The following UNC13C variants were observed in gnomAD, a reference collection of about 807,000 sequenced individuals.
UNC13C encodes the protein protein unc-13 homolog C.
In UNC13C, 174 loss-of-function variants were observed where a neutral mutation model predicts 245.4. That is an observed-to-expected ratio of 0.71 (90% CI 0.63 to 0.80). UNC13C has a LOEUF of 0.80. Ranked by LOEUF, UNC13C falls within the 30% of genes least tolerant of loss-of-function variation. UNC13C has a pLI of 0.00. For synonymous variants in UNC13C, 992 were observed against 895.1 expected (o/e 1.11, Z -1.93); for missense variants, 2,829 against 2,602.9 (o/e 1.09, Z -1.89).
intron 2 of UNC13C, among the ~76,000 whole-genome samples, chr15:54,090,716 T>A (rs1206724719): frequency 6.6e-6 from 1 of 152,128 alleles, no homozygotes; most frequent in Non-Finnish European, 1.5e-5. Flanking sequence ...CAATATCCTA[T>A]AGAGATGGTA....
intron 4 of UNC13C, among the ~76,000 whole-genome samples, chr15:54,196,161 C>T (rs1400052467): frequency 6.6e-6 from 1 of 152,010 alleles, no homozygotes; most frequent in Non-Finnish European, 1.5e-5. Context: ...ATTTTCTAAA[C>T]AAAATATAAT....
At chr15:54,138,950 C>G (rs1479385014) in intron 2 of UNC13C, among the ~76,000 whole-genome samples, 1 of 19,718 alleles carries the variant, frequency 5.1e-5, no homozygotes, top group Non-Finnish European at 1.3e-4. Context: ...CAAATTTCCC[C>G]TAATTTTTTT....
chr15:54,298,476 TACA>T (rs1462306311), intron 12 of UNC13C, among the ~76,000 whole-genome samples: 36 of 152,244 alleles, frequency 2.4e-4, no homozygotes, highest in Non-Finnish European at 1.5e-4. Context: ...TGTTTCTGAG[TACA>T]ACAAGCAGTT....
chr15:54,312,710 G>A (rs1235439715), intron 13 of UNC13C, among the ~76,000 whole-genome samples: 4 of 151,710 alleles, frequency 2.6e-5, no homozygotes, highest in African/African-American at 9.7e-5. Flanking sequence ...TTACTGCCTG[G>A]GGAGTCCATT....
intron 13 of UNC13C, among the ~76,000 whole-genome samples, chr15:54,312,731 A>G (rs534590281): frequency 2.0e-5 from 3 of 151,854 alleles, no homozygotes; most frequent in African/African-American, 7.2e-5. Flanking sequence ...AGCATGAAAT[A>G]GGGAGGGATT....
intron 24 of UNC13C, among the ~76,000 whole-genome samples, chr15:54,517,725 GA>G (rs1895042152): frequency 6.6e-6 from 1 of 152,160 alleles, no homozygotes. Context: ...AGGAACTGGA[GA>G]TACATTAATT....
chr15:54,301,610 A>T (rs902143990), intron 13 of UNC13C, among the ~76,000 whole-genome samples: 3 of 152,186 alleles, frequency 2.0e-5, no homozygotes, highest in Non-Finnish European at 2.9e-5. Context: ...CCTGCAAAGG[A>T]CATGAACTCA....
At chr15:54,204,321 AC>A (rs1555431026) in intron 4 of UNC13C, among the ~76,000 whole-genome samples, 1 of 149,112 alleles carries the variant, frequency 6.7e-6, no homozygotes, top group Non-Finnish European at 1.5e-5. Context: ...AAAAAAAAAA[AC>A]CAAAACCACC....
chr15:54,512,252 C>T (rs9920072), intron 24 of UNC13C: 59,822 of 432,458 alleles, frequency 0.14, 4,430 homozygotes, highest in Middle Eastern at 0.22. Flanking sequence ...GTTTATTTTT[C>T]ACATTGAGAA....
At chr15:54,323,451 C>T (rs1191281062) in intron 14 of UNC13C, among the ~76,000 whole-genome samples, 1 of 151,990 alleles carries the variant, frequency 6.6e-6, no homozygotes, top group East Asian at 1.9e-4. Flanking sequence ...AGTTCCTCAA[C>T]ATGCTCAATG....
chr15:54,053,609 C>G (rs1030500434), intron 2 of UNC13C, among the ~76,000 whole-genome samples: 1 of 152,092 alleles, frequency 6.6e-6, no homozygotes. Flanking sequence ...TCCATCACCT[C>G]AATAATTTAT....
In UNC13C at chr15:54,603,390, C is replaced by G. The variant is rs77578054; in HGVS notation, c.6107-18937C>G. Among the ~76,000 whole-genome samples the G allele has an allele frequency of 6.5e-3, 993 of 152,180 alleles. 18 individuals carry two copies. The highest frequency in any genetic ancestry group is 0.044 in the South Asian group (212 of 4,816). On this transcript the variant is annotated intron_variant, in intron 30 of 32. Coordinates refer to ENST00000260323, the MANE Select transcript of UNC13C (RefSeq NM_001080534.3). ...TACTGGCAGCTTTTGAAGAACACACCCTGTATAGTGAAAGATGCTTATCTG... is the reference window on the plus strand; with the variant it reads ...TACTGGCAGCTTTTGAAGAACACACGCTGTATAGTGAAAGATGCTTATCTG...
intron 2 of UNC13C, among the ~76,000 whole-genome samples, chr15:54,061,928 A>G (rs190692737): frequency 9.7e-4 from 147 of 152,280 alleles, no homozygotes; most frequent in African/African-American, 3.5e-3. Flanking sequence ...GCCCCTCAGA[A>G]TTTGGGCAGC....
intron 23 of UNC13C, among the ~76,000 whole-genome samples, chr15:54,510,283 C>A (rs1894675856): frequency 6.6e-6 from 1 of 152,094 alleles, no homozygotes; most frequent in African/African-American, 2.4e-5. Flanking sequence ...CAAATCTTCC[C>A]TTTCTGCAAT....
chr15:54,315,665 A>T (rs1304027820), intron 13 of UNC13C, among the ~76,000 whole-genome samples: 1 of 151,632 alleles, frequency 6.6e-6, no homozygotes, highest in Admixed American at 6.6e-5. Flanking sequence ...ATGTCTCCAA[A>T]AACCAGTAAC....
At chr15:54,321,483 C>T (rs10163175) in intron 13 of UNC13C, 111,983 of 477,750 alleles carry the variant, frequency 0.23, 14,756 homozygotes, top group Middle Eastern at 0.35. Context: ...TCCACCTCCT[C>T]CACAGTGGCA....
At chr15:54,423,096 A>G (rs1473978512) in intron 19 of UNC13C, among the ~76,000 whole-genome samples, 1 of 151,734 alleles carries the variant, frequency 6.6e-6, no homozygotes, top group East Asian at 1.9e-4. Context: ...ATACATGAAG[A>G]TATTACATGT....
intron 4 of UNC13C, among the ~76,000 whole-genome samples, chr15:54,203,973 G>A (rs112215783): frequency 0.11 from 16,436 of 150,980 alleles, 1,272 homozygotes; most frequent in African/African-American, 0.22. Context: ...TCATAAAAAG[G>A]AACAAAATAA....
intron 19 of UNC13C, among the ~76,000 whole-genome samples, chr15:54,434,069 A>G (rs1289909017): frequency 1.3e-5 from 2 of 152,142 alleles, no homozygotes; most frequent in Non-Finnish European, 2.9e-5. Context: ...ACCACTGCTC[A>G]ATGAAATAAG....
Sources: gnomAD v4.1 joint callset for allele counts (sites outside exome capture counted in the v4.1 genomes callset) on GRCh38, gnomAD v4.1.1 for gene constraint, MANE v1.5 for transcripts, NCBI Gene and HGNC (gene_info 2026-07-23, HGNC 2026-07-21) for gene names.